SUPT3H: variants seen among roughly 807,000 people sequenced by gnomAD.
The protein encoded by SUPT3H is transcription initiation protein SPT3 homolog.
A neutral mutation model predicts 44.3 loss-of-function variants in SUPT3H; 44 were observed. That is an observed-to-expected ratio of 0.99 (90% CI 0.78 to 1.28). The LOEUF is 1.28. SUPT3H is among the 50% of genes most tolerant of loss of function. The probability of loss-of-function intolerance (pLI) is 0.00; values close to 1 mark genes in which losing one functional copy is unlikely to be tolerated. For missense variants in SUPT3H, 380 were observed against 387.1 expected, an observed-to-expected ratio of 0.98 and a Z score of 0.15; for synonymous variants, 124 against 125.6, an observed-to-expected ratio of 0.99 and a Z score of 0.09.
intron 2 of SUPT3H, among the ~76,000 whole-genome samples, chr6:45,177,478 A>G (rs1040198530): frequency 4.6e-5 from 7 of 152,352 alleles, no homozygotes; most frequent in African/African-American, 1.7e-4. Flanking sequence ...GAATGGAACC[A>G]AGTTGGAAAA....
chr6:45,164,276 T>C (rs1283052089), intron 2 of SUPT3H, among the ~76,000 whole-genome samples: 1 of 152,174 alleles, frequency 6.6e-6, no homozygotes, highest in South Asian at 2.1e-4. Flanking sequence ...GTTTCTCTTT[T>C]GTTAAATAAA....
intron 2 of SUPT3H, among the ~76,000 whole-genome samples, chr6:45,280,031 C>T (rs1374939526): frequency 1.3e-5 from 2 of 152,188 alleles, no homozygotes; most frequent in African/African-American, 4.8e-5. Flanking sequence ...TCAATCCCCA[C>T]ATCCAATCTC....
At chr6:44,897,683 T>C (rs1479312904) in intron 10 of SUPT3H, among the ~76,000 whole-genome samples, 1 of 152,170 alleles carries the variant, frequency 6.6e-6, no homozygotes, top group Non-Finnish European at 1.5e-5. Flanking sequence ...GACATCTACT[T>C]GTATTATGCA....
At chr6:45,119,682 G>A (rs182422765) in intron 2 of SUPT3H, among the ~76,000 whole-genome samples, 4 of 152,154 alleles carry the variant, frequency 2.6e-5, no homozygotes, top group Admixed American at 1.3e-4. Flanking sequence ...GTGGAATTAG[G>A]TTATGCAGTA....
intron 2 of SUPT3H, among the ~76,000 whole-genome samples, chr6:45,278,857 G>A (rs1777469404): frequency 6.6e-6 from 1 of 152,064 alleles, no homozygotes; most frequent in African/African-American, 2.4e-5. Flanking sequence ...AATTATTCAT[G>A]AATAAGACAA....
At chr6:45,298,579 T>C (rs1218341102) in intron 2 of SUPT3H, among the ~76,000 whole-genome samples, 3 of 151,932 alleles carry the variant, frequency 2.0e-5, no homozygotes, top group African/African-American at 4.8e-5. Flanking sequence ...TCGTGATCCA[T>C]CCGTCTTGGC....
chr6:44,997,302 T>C (rs1452791545), intron 6 of SUPT3H, among the ~76,000 whole-genome samples: 8 of 151,830 alleles, frequency 5.3e-5, no homozygotes, highest in East Asian at 1.9e-4. Context: ...TCCAGGAACA[T>C]AGTGCTTTTT....
intron 2 of SUPT3H, among the ~76,000 whole-genome samples, chr6:45,339,025 T>G (rs367866460): frequency 5.9e-5 from 9 of 151,956 alleles, no homozygotes; most frequent in African/African-American, 1.7e-4. Flanking sequence ...TAAGGTAATA[T>G]AAGAAGAAAA....
intron 2 of SUPT3H, among the ~76,000 whole-genome samples, chr6:45,224,896 A>G (rs1452723335): frequency 6.6e-6 from 1 of 152,168 alleles, no homozygotes; most frequent in Non-Finnish European, 1.5e-5. Flanking sequence ...TGCCACTATA[A>G]TAAATTTTGA....
At chr6:45,254,241 G>T (rs1360499117) in intron 2 of SUPT3H, among the ~76,000 whole-genome samples, 2 of 152,044 alleles carry the variant, frequency 1.3e-5, no homozygotes, top group African/African-American at 4.8e-5. Flanking sequence ...GGGAGACTTC[G>T]ACCATGAAAC....
intron 2 of SUPT3H, among the ~76,000 whole-genome samples, chr6:45,132,101 T>C (rs2153584808): frequency 6.6e-6 from 1 of 152,380 alleles, no homozygotes; most frequent in Middle Eastern, 3.4e-3. Context: ...TTCTATTTAA[T>C]ATTTTTGGAC....
chr6:44,809,251 C>A (rs771576977), downstream of SUPT3H: 1 of 152,214 alleles, frequency 6.6e-6, no homozygotes, highest in Admixed American at 6.5e-5. Flanking sequence ...CTGTGTGATA[C>A]CCCGCTTAAA....
chr6:44,814,643 G>A (rs1277678186), intron 11 of SUPT3H, among the ~76,000 whole-genome samples: 1 of 152,058 alleles, frequency 6.6e-6, no homozygotes, highest in African/African-American at 2.4e-5. Flanking sequence ...CAGTTTGGGG[G>A]TGGGAGCAGT....
rs114899337 is a variant in SUPT3H at position 44,809,974 on chromosome 6, C to T, written c.*53-473G>A. Among the ~76,000 whole-genome samples, 322 of 152,242 alleles carry T rather than the reference C, an allele frequency of 2.1e-3. 1 individual carries two copies. The highest frequency in any genetic ancestry group is 0.01 in the Middle Eastern group (3 of 294). On this transcript the variant is annotated intron_variant and NMD_transcript_variant, in intron 11 of 11. Coordinates refer to the SUPT3H transcript ENST00000475057. ...ATATAATTTCTTAGTGCCAGATCCA[C>T]GGAGGAAACAAACCTTGTGGTGAAG...
intron 6 of SUPT3H, among the ~76,000 whole-genome samples, chr6:44,987,527 T>C (rs1030118394): frequency 5.9e-5 from 9 of 151,988 alleles, no homozygotes; most frequent in Admixed American, 1.3e-4. Flanking sequence ...TTGGCAACAA[T>C]GGAGGTTAGT....
At chr6:45,168,423 T>C (rs1319628254) in intron 2 of SUPT3H, among the ~76,000 whole-genome samples, 1 of 152,112 alleles carries the variant, frequency 6.6e-6, no homozygotes, top group Non-Finnish European at 1.5e-5. Flanking sequence ...GAGTGTCACA[T>C]TGGCACTCAT....
chr6:45,149,497 C>T (rs930303431), intron 2 of SUPT3H, among the ~76,000 whole-genome samples: 6 of 152,114 alleles, frequency 3.9e-5, no homozygotes, highest in East Asian at 1.9e-4. Context: ...ATTTACTTTA[C>T]GAAATATCAT....
chr6:44,932,106 C>G (rs1770683401), intron 10 of SUPT3H, among the ~76,000 whole-genome samples: 1 of 152,146 alleles, frequency 6.6e-6, no homozygotes. Context: ...CACACACTTT[C>G]TTTAGACTGT....
intron 2 of SUPT3H, among the ~76,000 whole-genome samples, chr6:45,220,040 CAAAAAAAAAAAAAA>C (rs67960187): frequency 2.4e-4 from 8 of 33,010 alleles, no homozygotes; most frequent in Non-Finnish European, 3.4e-4. Context: ...GACTCTGTCT[CAAAAAAAAAAAAAA>C]AAAAAAAAAA....
Sources: allele counts gnomAD v4.1 joint callset (sites outside exome capture counted in the v4.1 genomes callset), GRCh38; gene constraint gnomAD v4.1.1; transcripts MANE v1.5; gene names NCBI Gene and HGNC (gene_info 2026-07-23, HGNC 2026-07-21).